Variants in FBXW7 observed in about 807,000 individuals in gnomAD.
The protein encoded by FBXW7 is F-box and WD repeat domain containing 7, also known as F-box/WD repeat-containing protein 7.
In FBXW7, 11 loss-of-function variants were observed where a neutral mutation model predicts 86.3. That is an observed-to-expected ratio of 0.13 (90% CI 0.08 to 0.21). The LOEUF is 0.21. FBXW7 is among the 10% of genes least tolerant of loss of function. FBXW7 has a pLI of 1.00. For synonymous variants in FBXW7, 313 were observed against 297.9 expected, an observed-to-expected ratio of 1.05 and a Z score of -0.52; for missense variants, 488 against 847.4, an observed-to-expected ratio of 0.58 and a Z score of 5.27.
chr4:152,324,198 A>G lies in FBXW7; in HGVS notation c.1841T>C (p.Leu614Ser). ...GTAAGACTTACCTTGCAATGTTTGTAAACACTGTCCTGTTTTGATATCCCA... is the reference window on the plus strand; with the variant it reads ...GTAAGACTTACCTTGCAATGTTTGTGAACACTGTCCTGTTTTGATATCCCA... ...KIWDIKTGQC[L>S]QTLQGPNKHQ... The change falls in exon 13 of 14, where the codon TTA (leucine) becomes TCA (serine). Residue 614 changes from leucine (L) to serine (S), a missense_variant. Leu to Ser is a moderately radical substitution (Grantham distance 145). Coordinates refer to ENST00000281708, the MANE Select transcript of FBXW7 (RefSeq NM_001349798.2). 6.2e-7 allele frequency: 1 copy of G among 1,611,462 alleles called. No homozygotes were observed. Among genetic ancestry groups the G allele is most frequent in the South Asian group, 1.1e-5 (1 of 90,988 alleles).
rs1729804493 is a variant in FBXW7 at position 152,333,803 on chromosome 4, C to T, written c.862-1084G>A. ...GTGTGGTGGCTCACTCCTGTAATAC[C>T]AGCACTTTGGGAGGCCGAGGTGGGT... On this transcript the variant is annotated intron_variant, in intron 7 of 13. Coordinates refer to ENST00000281708, the MANE Select transcript of FBXW7 (RefSeq NM_001349798.2). Among the ~76,000 whole-genome samples, 2 of 151,972 alleles carry T rather than the reference C, an allele frequency of 1.3e-5. 1 individual carries two copies. The highest frequency in any genetic ancestry group is 4.2e-4 in the South Asian group (2 of 4,816).
rs1381320045 is a variant in FBXW7, at chr4:152,330,766, G to T, written c.1088C>A (p.Thr363Asn). ...SAYIRQHRIDTNWRRGELKSP... is the reference protein window; with the variant it reads ...SAYIRQHRIDNNWRRGELKSP... ...TTTGAGTTCTCCTCGCCTCCAGTTA[G>T]TATCAATTCTGTGCTGTCTGATGTA... The change falls in exon 9 of 14, where the codon ACT becomes AAT. Residue 363 changes from threonine (T) to asparagine (N), a missense_variant. Thr to Asn is a moderately conservative substitution (Grantham distance 65, BLOSUM62 0). Coordinates refer to ENST00000281708, the MANE Select transcript of FBXW7 (RefSeq NM_001349798.2). The T allele has an allele frequency of 1.9e-6, 3 of 1,612,480 alleles. No homozygotes were observed. In the Admixed American group the frequency reaches 5.0e-5, roughly 27 times the overall value.
chr4:152,341,762 T>C (rs959689875), intron 6 of FBXW7, among the ~76,000 whole-genome samples: 5 of 152,200 alleles, frequency 3.3e-5, no homozygotes, highest in African/African-American at 4.8e-5. Flanking sequence ...GCAAGGGACA[T>C]ATACATTAAC....
rs768104958 is a variant in FBXW7, at chr4:152,411,388, T to C, written c.416A>G (p.His139Arg). 22 of 1,613,562 alleles carry C rather than the reference T, an allele frequency of 1.4e-5. No individual in the cohort carries two copies. In the Admixed American group the frequency reaches 3.0e-4, roughly 22 times the overall value. Residue 139 changes from histidine (H) to arginine (R), a missense_variant, in exon 4 of 14, where the codon CAT (histidine) becomes CGT (arginine). His to Arg is a conservative substitution (Grantham distance 29). Around this residue, in one of 4 missense-constraint regions of FBXW7, gnomAD observed 230 missense variants for 240.0 expected, o/e 0.96. Coordinates refer to ENST00000281708, the MANE Select transcript of FBXW7 (RefSeq NM_001349798.2). The part of the protein sequence containing the change: ...DDSSREDEHT[H>R]TNSVTNSSSI... Reference sequence around the variant, plus strand: ...ACTGGAGTTCGTGACACTGTTAGTATGTGTATGTTCATCTTCTCTGCTACT... The same window carrying C: ...ACTGGAGTTCGTGACACTGTTAGTACGTGTATGTTCATCTTCTCTGCTACT...
At chr4:152,360,995 A>G (rs567651738) in intron 4 of FBXW7, among the ~76,000 whole-genome samples, 2 of 152,178 alleles carry the variant, frequency 1.3e-5, no homozygotes, top group South Asian at 4.1e-4. Flanking sequence ...ATGACAAGGC[A>G]TAACTTGAAC....
At chr4:152,464,404 C>T (rs910033662) in intron 2 of FBXW7, among the ~76,000 whole-genome samples, 8 of 151,896 alleles carry the variant, frequency 5.3e-5, no homozygotes, top group Non-Finnish European at 1.0e-4. Context: ...TTCTTTAAGA[C>T]AGACTGAGGA....
At chr4:152,361,281 TAA>T (rs751410256) in intron 4 of FBXW7, among the ~76,000 whole-genome samples, 13 of 152,152 alleles carry the variant, frequency 8.5e-5, no homozygotes, top group Non-Finnish European at 1.5e-4. Context: ...CACTACATTT[TAA>T]AAAGAGGATT....
chr4:152,356,910 C>A (rs1732437302), intron 4 of FBXW7, among the ~76,000 whole-genome samples: 1 of 152,122 alleles, frequency 6.6e-6, no homozygotes, highest in South Asian at 2.1e-4. Flanking sequence ...GTGTTGGGCA[C>A]AGAATATTAT....
intron 2 of FBXW7, among the ~76,000 whole-genome samples, chr4:152,441,798 G>C (rs1250532583): frequency 1.3e-5 from 2 of 152,144 alleles, no homozygotes; most frequent in African/African-American, 4.8e-5. Flanking sequence ...CTTTCAACTA[G>C]TCATTTCCAA....
intron 2 of FBXW7, among the ~76,000 whole-genome samples, chr4:152,507,562 T>A (rs570136368): frequency 1.3e-5 from 2 of 152,324 alleles, no homozygotes; most frequent in East Asian, 3.9e-4. Flanking sequence ...GGGTAATGTG[T>A]CCAGATCATC....
intron 2 of FBXW7, among the ~76,000 whole-genome samples, chr4:152,452,483 T>C (rs1356665814): frequency 2.0e-5 from 3 of 152,240 alleles, no homozygotes; most frequent in South Asian, 2.1e-4. Flanking sequence ...ACCCAATTTT[T>C]AGCCATCTTC....
In FBXW7 at chr4:152,377,047, T is replaced by C. The variant is rs114426176; in HGVS notation, c.502-26923A>G. Among the ~76,000 whole-genome samples the C allele has an allele frequency of 3.8e-3, 572 of 152,242 alleles. 3 individuals are homozygous for C. The highest frequency in any genetic ancestry group is 0.013 in the African/African-American group (549 of 41,536). On this transcript the variant is annotated intron_variant, in intron 4 of 13. Transcript: ENST00000281708. ...CTGTTTGAAACTTTGTATTGTCTCA[T>C]AGAAACAATGTCAACAGCAATAGGC... is the stretch of plus-strand genomic sequence containing the variant.
chr4:152,365,301 A>G lies in FBXW7; in HGVS notation c.502-15177T>C, dbSNP rs564517581. Reference sequence around the variant, plus strand: ...GGGTTTTACCATAAGAGTAATGAAAAGCTAATGCTGCATAGTAGTTAAGAA... The same window carrying G: ...GGGTTTTACCATAAGAGTAATGAAAGGCTAATGCTGCATAGTAGTTAAGAA... On this transcript the variant is annotated intron_variant, in intron 4 of 13. Coordinates refer to ENST00000281708, the MANE Select transcript of FBXW7 (RefSeq NM_001349798.2). Among the ~76,000 whole-genome samples, 10 of 152,298 alleles carry G rather than the reference A, an allele frequency of 6.6e-5. No homozygotes were observed. The East Asian group carries it at 1.9e-3, about 29-fold the overall frequency.
intron 4 of FBXW7, among the ~76,000 whole-genome samples, chr4:152,406,726 G>A (rs1293239020): frequency 1.3e-5 from 2 of 152,074 alleles, no homozygotes; most frequent in East Asian, 1.9e-4. Flanking sequence ...GGGTAGCATC[G>A]ACTTCAAAAT....
chr4:152,426,753 G>C (rs1442091150), intron 2 of FBXW7, among the ~76,000 whole-genome samples: 2 of 152,190 alleles, frequency 1.3e-5, no homozygotes, highest in Non-Finnish European at 2.9e-5. Context: ...AGGGACAAGA[G>C]AAGTCTAGCC....
chr4:152,335,655 A>G (rs1470345188), intron 7 of FBXW7, among the ~76,000 whole-genome samples: 4 of 152,166 alleles, frequency 2.6e-5, no homozygotes, highest in Admixed American at 1.3e-4. Context: ...TCCTTGTCCA[A>G]CTCTGTAAGA....
At chr4:152,528,239 T>A (rs1462756991) in intron 2 of FBXW7, among the ~76,000 whole-genome samples, 1 of 152,162 alleles carries the variant, frequency 6.6e-6, no homozygotes, top group Non-Finnish European at 1.5e-5. Flanking sequence ...TTCCAGTAGC[T>A]ATCTTCCAGA....
At chr4:152,510,399 C>T (rs984011412) in intron 2 of FBXW7, among the ~76,000 whole-genome samples, 6 of 152,150 alleles carry the variant, frequency 3.9e-5, no homozygotes, top group African/African-American at 1.2e-4. Context: ...AATGTATACT[C>T]CCAACAACAG....
At chr4:152,530,367 A>G (rs1380124802) in intron 2 of FBXW7, 2 of 152,160 alleles carry the variant, frequency 1.3e-5, no homozygotes, top group Non-Finnish European at 2.9e-5. Flanking sequence ...GACACTTCTA[A>G]TTTTACACAC....
Sources: gnomAD v4.1 joint callset for allele counts (sites outside exome capture counted in the v4.1 genomes callset) on GRCh38, gnomAD v4.1.1 for gene constraint, gnomAD v4.1.1 regional missense constraint, MANE v1.5 for transcripts, NCBI Gene and HGNC (gene_info 2026-07-23, HGNC 2026-07-21) for gene names.